BRD3: variants seen among roughly 807,000 people sequenced by gnomAD.
BRD3 encodes the protein bromodomain containing 3, also known as bromodomain-containing protein 3.
BRD3 carries 17 observed loss-of-function variants against 66.8 expected under a neutral mutation model. The ratio of observed to expected loss-of-function variants is 0.25; its 90% CI spans 0.17 to 0.38. The LOEUF (loss-of-function observed/expected upper bound fraction) is 0.38. Ranked by LOEUF, BRD3 falls within the 10% of genes least tolerant of loss-of-function variation. The probability of loss-of-function intolerance (pLI) is 1.00; values close to 1 mark genes in which losing one functional copy is unlikely to be tolerated. For missense variants in BRD3, 713 were observed against 956.1 expected (o/e 0.75, Z 3.35); for synonymous variants, 421 against 393.2 (o/e 1.07, Z -0.84).
At chr9:134,064,359 C>A (rs1236218714) in intron 1 of BRD3, among the ~76,000 whole-genome samples, 1 of 149,620 alleles carries the variant, frequency 6.7e-6, no homozygotes, top group African/African-American at 2.5e-5. Flanking sequence ...GAAACCCCAT[C>A]TTTACTAAAA....
chr9:134,046,053 C>A (rs750473624), intron 6 of BRD3, among the ~76,000 whole-genome samples: 1 of 152,176 alleles, frequency 6.6e-6, no homozygotes, highest in Admixed American at 6.5e-5. Flanking sequence ...CACGTTTACT[C>A]GGCCACACAG....
In BRD3 at chr9:134,053,273, T is replaced by C; in HGVS notation, c.205A>G (p.Asn69Asp). ...FYQPVDAIKL[N>D]LPDYHKIIKN... ...AGGCAGCAGCTACGCACCGGCAGGTTCAATTTGATTGCGTCCACGGGCTGG... is the reference window on the plus strand; with the variant it reads ...AGGCAGCAGCTACGCACCGGCAGGTCCAATTTGATTGCGTCCACGGGCTGG... The change falls in exon 2 of 12, where the codon AAC (asparagine) becomes GAC (aspartate). Residue 69 changes from asparagine to aspartate, a missense_variant. Asn to Asp is a conservative substitution (Grantham distance 23, BLOSUM62 1). Transcript: ENST00000303407. The C allele has an allele frequency of 6.2e-7, 1 of 1,613,292 alleles. No individual in the cohort carries two copies. The highest frequency in any genetic ancestry group is 8.5e-7 in the Non-Finnish European group (1 of 1,180,022).
At chr9:134,065,436 G>GAAA (rs36113909) in intron 1 of BRD3, among the ~76,000 whole-genome samples, 1 of 135,560 alleles carries the variant, frequency 7.4e-6, no homozygotes, top group East Asian at 2.1e-4. Flanking sequence ...GAGGAGAAGA[G>GAAA]AAAAAAAAAA....
chr9:134,044,543 A>T (rs546973766), intron 7 of BRD3, among the ~76,000 whole-genome samples: 3 of 152,208 alleles, frequency 2.0e-5, no homozygotes, highest in Non-Finnish European at 4.4e-5. Flanking sequence ...ATTAACATTT[A>T]TAACAGTGGT....
intron 1 of BRD3, among the ~76,000 whole-genome samples, chr9:134,054,908 CTA>C (rs1830382914): frequency 6.6e-6 from 1 of 152,184 alleles, no homozygotes; most frequent in African/African-American, 2.4e-5. Context: ...GGGCTTCAAA[CTA>C]CACGCAACAC....
At position 134,032,657 on chromosome 9, in the gene BRD3, TTA is replaced by T. The variant is rs1456451968; in HGVS notation, c.*931_*932del. 4.4e-6 allele frequency: 1 copy of T among 226,480 alleles called. No individual in the cohort carries two copies. Among genetic ancestry groups the T allele is most frequent in the East Asian group, 6.3e-5 (1 of 15,914 alleles). 14.0% of individuals were successfully genotyped at this position (226,480 alleles called of 1,614,324 possible). The stretch of plus-strand genomic sequence containing the variant: ...AATGCATTTCTTCTGCGGTTTTTTC[TTA>T]TTTTCTTTTTTTTAAAAATGACCAA... On this transcript the variant is annotated 3_prime_UTR_variant, in exon 12 of 12. Transcript: ENST00000303407.
chr9:134,036,642 G>A (rs2132383260), intron 9 of BRD3: 2 of 1,310,724 alleles, frequency 1.5e-6, no homozygotes, highest in South Asian at 2.5e-5. Flanking sequence ...CAAAGGAACA[G>A]AAAACACAGA....
intron 1 of BRD3, among the ~76,000 whole-genome samples, chr9:134,064,311 T>A (rs1008421504): frequency 6.6e-6 from 1 of 151,764 alleles, no homozygotes; most frequent in Non-Finnish European, 1.5e-5. Flanking sequence ...GTGGATCACC[T>A]GAGGTCAGGA....
rs1467228502 is a variant in BRD3, at chr9:134,045,289, T to C, written c.1215+4A>G. On this transcript the variant is annotated splice_donor_region_variant and intron_variant, in intron 7 of 11. Coordinates refer to ENST00000303407, the MANE Select transcript of BRD3 (RefSeq NM_007371.4). The surrounding 1 kb of genome is among the most constrained non-coding windows in gnomAD (Gnocchi z 4.8). Reference sequence around the variant, plus strand: ...AGCCCCACCCGTGCCCAGCCTCGGGTTACCTGGAGCTTCCGGGCCATGGCC... The same window carrying C: ...AGCCCCACCCGTGCCCAGCCTCGGGCTACCTGGAGCTTCCGGGCCATGGCC... 1.9e-6 allele frequency: 3 copies of C among 1,613,086 alleles called. No homozygotes were observed. Among genetic ancestry groups the C allele is most frequent in the African/African-American group, 1.3e-5 (1 of 74,928 alleles).
chr9:134,035,957 G>C, intron 10 of BRD3, 75 bp downstream of exon 10: 1 of 1,530,460 alleles, frequency 6.5e-7, no homozygotes, highest in Non-Finnish European at 8.8e-7. Flanking sequence ...CACAGGGTCC[G>C]TGAGGAGTGA....
At position 134,041,624 on chromosome 9, in the gene BRD3, T is replaced by C. The variant is rs2873971; in HGVS notation, c.1407+136A>G. 7,974 of 1,207,322 alleles carry C rather than the reference T, an allele frequency of 6.6e-3. 377 individuals carry two copies. The African/African-American group carries it at 0.1, about 15-fold the overall frequency. 74.8% of individuals were successfully genotyped at this position (1,207,322 alleles called of 1,614,324 possible). ...ACCTGGGGAGGGCACTCCGAGTGTC[T>C]TTACGGGGAAGCACTACCGCGGCTG... is the stretch of plus-strand genomic sequence containing the variant. On this transcript the variant is annotated intron_variant, in intron 8 of 11. Transcript: ENST00000303407.
At chr9:134,042,714 CATATATACACAT>C (rs1384098989) in intron 7 of BRD3, among the ~76,000 whole-genome samples, 5 of 147,312 alleles carry the variant, frequency 3.4e-5, no homozygotes, top group Non-Finnish European at 4.5e-5. Context: ...TATATATACA[CATATATACACAT>C]ATATATACAC....
Position 134,040,019 on chromosome 9 carries a change from A to C in BRD3, c.1643+15T>G. On this transcript the variant is annotated intron_variant, in intron 9 of 11. Transcript: ENST00000303407. ...AGCGCTGGGCTCTTGGAGCCCGAGCAGGTCTGGAGCCCACCTGCCGGCCGT... is the reference window on the plus strand; with the variant it reads ...AGCGCTGGGCTCTTGGAGCCCGAGCCGGTCTGGAGCCCACCTGCCGGCCGT... 1 of 1,578,852 alleles carries C rather than the reference A, an allele frequency of 6.3e-7. No homozygotes were observed. Among genetic ancestry groups the C allele is most frequent in the Non-Finnish European group, 8.6e-7 (1 of 1,166,216 alleles).
intron 1 of BRD3, 85 bp from the exon 2 acceptor site, chr9:134,053,675 C>CA (rs1402427767): frequency 1.4e-4 from 176 of 1,275,830 alleles, no homozygotes; most frequent in Non-Finnish European, 1.8e-4. Context: ...CTCCTGAGGG[C>CA]ACCTGTCGGG....
chr9:134,068,529 A>G (rs992560179), upstream of BRD3: 5 of 148,220 alleles, frequency 3.4e-5, no homozygotes, highest in East Asian at 2.0e-4. Flanking sequence ...GCGCCTAATT[A>G]GCCTGGCGGG....
intron 2 of BRD3, 42 bp from the exon 3 acceptor site, chr9:134,052,485 A>G (rs759527896): frequency 2.3e-5 from 36 of 1,578,482 alleles, no homozygotes; most frequent in Middle Eastern, 1.7e-4. Flanking sequence ...AAGATTCTAC[A>G]TAATTATTTT....
At position 134,045,479 on chromosome 9, in the gene BRD3, C is replaced by T; in HGVS notation, c.1087-58G>A. The T allele has an allele frequency of 6.2e-7, 1 of 1,606,030 alleles. No homozygotes were observed. Among genetic ancestry groups the T allele is most frequent in the Middle Eastern group, 1.7e-4 (1 of 6,026 alleles). On this transcript the variant is annotated intron_variant, in intron 6 of 11. Transcript: ENST00000303407. This position sits in a 1 kb window ranked among gnomAD's most constrained non-coding sequence, Gnocchi z 4.8. The stretch of plus-strand genomic sequence containing the variant: ...TGGCCCGTGGCATCAGGACTCTCTG[C>T]CACACCCCACGAGATGAACTCTGGA...
In BRD3 at chr9:134,067,785, A is replaced by AGGC. The variant is rs912414081; in HGVS notation, c.-114+157_-114+159dup. On this transcript the variant is annotated intron_variant, in intron 1 of 11. Coordinates refer to ENST00000303407, the MANE Select transcript of BRD3 (RefSeq NM_007371.4). ...TTTGTTGCATCGTGGCCGCGCACAA[A>AGGC]GGCGGCGGCGGCGGCGGCGGCCCCG... Among the ~76,000 whole-genome samples the AGGC allele has an allele frequency of 2.3e-3, 327 of 141,894 alleles. 2 individuals carry two copies. In the Middle Eastern group the frequency reaches 0.026, roughly 11 times the overall value. 93.1% of individuals were successfully genotyped at this position (141,894 alleles called of 152,430 possible).
intron 7 of BRD3, among the ~76,000 whole-genome samples, chr9:134,043,039 C>T (rs1283332749): frequency 6.6e-6 from 1 of 152,184 alleles, no homozygotes; most frequent in Non-Finnish European, 1.5e-5. Flanking sequence ...CGAAGTTTCA[C>T]CATGTTGGCC....
Sources: allele counts gnomAD v4.1 joint callset (sites outside exome capture counted in the v4.1 genomes callset), GRCh38; gene constraint gnomAD v4.1.1; non-coding constraint Gnocchi (gnomAD v3.1); transcripts MANE v1.5; gene names NCBI Gene and HGNC (gene_info 2026-07-23, HGNC 2026-07-21).